Variants in CCDC85C observed in about 807,000 individuals in gnomAD.
CCDC85C encodes the protein coiled-coil domain containing 85C.
CCDC85C carries 18 observed loss-of-function variants against 38.3 expected under a neutral mutation model. That is an observed-to-expected ratio of 0.47 (90% CI 0.33 to 0.70). The LOEUF is 0.70. CCDC85C is among the 30% of genes least tolerant of loss of function. The pLI is 0.03. For missense variants in CCDC85C, 566 were observed against 621.2 expected (o/e 0.91, Z 0.94); for synonymous variants, 264 against 293.8 (o/e 0.90, Z 1.04).
chr14:99,546,639 A>G (rs929579773), intron 1 of CCDC85C, among the ~76,000 whole-genome samples: 8 of 152,290 alleles, frequency 5.3e-5, no homozygotes, highest in Non-Finnish European at 1.2e-4. Context: ...AGACAGCTCT[A>G]TGTGCACCAG....
In CCDC85C at chr14:99,576,361, G is replaced by C. The variant is rs1436335649; in HGVS notation, c.793+26806C>G. On this transcript the variant is annotated intron_variant, in intron 1 of 5. Transcript: ENST00000380243. This position sits in a 1 kb window ranked among gnomAD's most constrained non-coding sequence, Gnocchi z 4.8. Reference sequence around the variant, plus strand: ...CACACAGCTTAAGGCACCCCTTCCTGCTCTGACATGCAGGACCAAGCTGGC... The same window carrying C: ...CACACAGCTTAAGGCACCCCTTCCTCCTCTGACATGCAGGACCAAGCTGGC... 6.6e-6 allele frequency: 1 copy of C among 152,326 alleles called. No individual in the cohort carries two copies. The highest frequency in any genetic ancestry group is 1.5e-5 in the Non-Finnish European group (1 of 68,136). The allele number at this position is 152,326 out of a possible 1,614,324, so 9.4% of individuals were successfully genotyped here. A position where few individuals can be genotyped will look rare whatever the true frequency, so the allele number is the denominator to read the frequency against.
At position 99,520,647 on chromosome 14, in the gene CCDC85C, C is replaced by T. The variant is rs568806223; in HGVS notation, c.975+1486G>A. ...TCATGGCCCCTGAACCTCAGTTTAT[C>T]ACCCGGCCTCCTGGCCTCATGGAGG... On this transcript the variant is annotated intron_variant, in intron 3 of 5. Coordinates refer to ENST00000380243, the MANE Select transcript of CCDC85C (RefSeq NM_001144995.2). The surrounding 1 kb of genome is among the most constrained non-coding windows in gnomAD (Gnocchi z 4.1). Among the ~76,000 whole-genome samples the T allele has an allele frequency of 6.0e-4, 91 of 152,252 alleles. No individual in the cohort carries two copies. Among genetic ancestry groups the T allele is most frequent in the African/African-American group, 2.0e-3 (85 of 41,538 alleles).
chr14:99,531,713 A>G (rs1046839797), intron 2 of CCDC85C, among the ~76,000 whole-genome samples: 1 of 151,370 alleles, frequency 6.6e-6, no homozygotes. Context: ...TTTCACCAAC[A>G]GGAAGAGTCC....
At position 99,588,106 on chromosome 14, in the gene CCDC85C, C is replaced by G. The variant is rs754860541; in HGVS notation, c.793+15061G>C. Among the ~76,000 whole-genome samples, 1 of 152,162 alleles carries G rather than the reference C, an allele frequency of 6.6e-6. No individual in the cohort carries two copies. The highest frequency in any genetic ancestry group is 1.5e-5 in the Non-Finnish European group (1 of 68,036). ...GGGCCGGATTCCCCACTGGGTCTGT[C>G]GTCCCCAGTTCCTCCAGCTGCCAAT... On this transcript the variant is annotated intron_variant, in intron 1 of 5. Coordinates refer to ENST00000380243, the MANE Select transcript of CCDC85C (RefSeq NM_001144995.2). This position sits in a 1 kb window ranked among gnomAD's most constrained non-coding sequence, Gnocchi z 5.0.
chr14:99,585,936 C>T (rs1392341612), intron 1 of CCDC85C, among the ~76,000 whole-genome samples: 1 of 152,240 alleles, frequency 6.6e-6, no homozygotes, highest in Non-Finnish European at 1.5e-5. Flanking sequence ...CCCTGCTCTG[C>T]TGTCCCTTTC....
chr14:99,556,158 C>T (rs1025383302), intron 1 of CCDC85C, among the ~76,000 whole-genome samples: 5 of 152,256 alleles, frequency 3.3e-5, no homozygotes, highest in Admixed American at 6.5e-5. Context: ...GTGGCTCACG[C>T]CTGTAATACC....
rs895844001 is a variant in CCDC85C, at chr14:99,551,843, G to A, written c.794-15755C>T. ...CACTCCCCAGCAAGCCCCCTCCCTA[G>A]GTCAGAGCCTCTAGGGAAAAGGGCT... On this transcript the variant is annotated intron_variant, in intron 1 of 5. Transcript: ENST00000380243. Among the ~76,000 whole-genome samples, 3 of 152,160 alleles carry A rather than the reference G, an allele frequency of 2.0e-5. No homozygotes were observed. The East Asian group carries it at 5.8e-4, about 29-fold the overall frequency.
intron 5 of CCDC85C, 80 bp from the exon 6 acceptor site, chr14:99,515,415 G>C: frequency 9.5e-7 from 1 of 1,049,864 alleles, no homozygotes; most frequent in Non-Finnish European, 1.4e-6. Flanking sequence ...GCCTCATCAC[G>C]GCAGAATCAC....
At chr14:99,598,804 G>T (rs1248699032) in intron 1 of CCDC85C, among the ~76,000 whole-genome samples, 1 of 152,194 alleles carries the variant, frequency 6.6e-6, no homozygotes, top group African/African-American at 2.4e-5. Context: ...AGATGCTAAG[G>T]TCTCCCTCCT....
intron 1 of CCDC85C, among the ~76,000 whole-genome samples, chr14:99,601,268 G>C (rs757337212): frequency 6.6e-6 from 1 of 152,194 alleles, no homozygotes; most frequent in Non-Finnish European, 1.5e-5. Context: ...GTGCTAAGTG[G>C]GCTTGGGGGA....
At chr14:99,543,964 C>T (rs1463062381) in intron 1 of CCDC85C, among the ~76,000 whole-genome samples, 4 of 152,210 alleles carry the variant, frequency 2.6e-5, no homozygotes, top group Non-Finnish European at 5.9e-5. Flanking sequence ...GCAAGCTCAG[C>T]GATGCCTTCC....
Position 99,507,440 on chromosome 14 carries a change from C to A in CCDC85C, c.*7806G>T. ...ATTAGCCAGGTGTGGTAGCACACAC[C>A]TGTAGTCCCAACTACTTAGGAGTCT... On this transcript the variant is annotated 3_prime_UTR_variant, in exon 6 of 6. Coordinates refer to ENST00000380243, the MANE Select transcript of CCDC85C (RefSeq NM_001144995.2). 1 of 394,692 alleles carries A rather than the reference C, an allele frequency of 2.5e-6. No individual in the cohort carries two copies. Among genetic ancestry groups the A allele is most frequent in the South Asian group, 2.4e-5 (1 of 41,060 alleles). The allele number at this position is 394,692 out of a possible 1,614,324, so 24.4% of individuals were successfully genotyped here. A position where few individuals can be genotyped will look rare whatever the true frequency, so the allele number is the denominator to read the frequency against.
In CCDC85C at chr14:99,516,954, G is replaced by A; in HGVS notation, c.1071+134C>T. On this transcript the variant is annotated intron_variant, in intron 4 of 5. Transcript: ENST00000380243. The surrounding 1 kb of genome is among the most constrained non-coding windows in gnomAD (Gnocchi z 5.5). ...ACCTCACAGTGCTCCAGGCAGCCAT[G>A]GTCACCCAGCCACCCACACACAGAT... 1 of 811,450 alleles carries A rather than the reference G, an allele frequency of 1.2e-6. No homozygotes were observed. The highest frequency in any genetic ancestry group is 2.1e-6 in the Non-Finnish European group (1 of 480,286). 50.3% of individuals were successfully genotyped at this position (811,450 alleles called of 1,614,324 possible). A position where few individuals can be genotyped will look rare whatever the true frequency, so the allele number is the denominator to read the frequency against.
At chr14:99,550,920 C>G (rs968878893) in intron 1 of CCDC85C, among the ~76,000 whole-genome samples, 2 of 152,196 alleles carry the variant, frequency 1.3e-5, no homozygotes, top group Non-Finnish European at 2.9e-5. Flanking sequence ...CCAGCTCGAC[C>G]AAGCTGCTGG....
rs944368214 is a variant in CCDC85C, at chr14:99,558,056, C to T, written c.794-21968G>A. On this transcript the variant is annotated intron_variant, in intron 1 of 5. Coordinates refer to ENST00000380243, the MANE Select transcript of CCDC85C (RefSeq NM_001144995.2). The surrounding 1 kb of genome is among the most constrained non-coding windows in gnomAD (Gnocchi z 4.2). ...AATCTTAGGGGAAAAAAATATCAAC[C>T]AGGTCTACTTCAGTGGTCTATTTAA... 6.6e-6 allele frequency among the ~76,000 whole-genome samples: 1 copy of T among 152,250 alleles called. No homozygotes were observed. Among genetic ancestry groups the T allele is most frequent in the African/African-American group, 2.4e-5 (1 of 41,540 alleles).
At chr14:99,583,642 T>TA (rs2054997760) in intron 1 of CCDC85C, among the ~76,000 whole-genome samples, 2 of 150,780 alleles carry the variant, frequency 1.3e-5, no homozygotes, top group East Asian at 2.0e-4. Flanking sequence ...ACGTCTCTAC[T>TA]AAAAAAATAC....
Position 99,576,085 on chromosome 14 carries a change from G to A in CCDC85C, c.793+27082C>T, listed in dbSNP as rs979608494. On this transcript the variant is annotated intron_variant, in intron 1 of 5. Coordinates refer to ENST00000380243, the MANE Select transcript of CCDC85C (RefSeq NM_001144995.2). This position sits in a 1 kb window ranked among gnomAD's most constrained non-coding sequence, Gnocchi z 4.8. ...GATCTGTGCCCGTCTAATGAGGGTG[G>A]CTCACACTAATGGCCACATCTTCCT... 2.0e-5 allele frequency among the ~76,000 whole-genome samples: 3 copies of A among 152,192 alleles called. No homozygotes were observed. Among genetic ancestry groups the A allele is most frequent in the African/African-American group, 7.2e-5 (3 of 41,452 alleles).
At chr14:99,527,676 G>C (rs1232973905) in intron 2 of CCDC85C, among the ~76,000 whole-genome samples, 1 of 152,200 alleles carries the variant, frequency 6.6e-6, no homozygotes, top group Non-Finnish European at 1.5e-5. Flanking sequence ...AACCCACGCA[G>C]AACCCTCAGC....
At chr14:99,581,550 G>T (rs1007582242) in intron 1 of CCDC85C, among the ~76,000 whole-genome samples, 1 of 152,220 alleles carries the variant, frequency 6.6e-6, no homozygotes, top group African/African-American at 2.4e-5. Flanking sequence ...CTGGCCTGGG[G>T]CGTCCATGAC....
Sources: allele counts gnomAD v4.1 joint callset (sites outside exome capture counted in the v4.1 genomes callset), GRCh38; gene constraint gnomAD v4.1.1; non-coding constraint Gnocchi (gnomAD v3.1); transcripts MANE v1.5; gene names NCBI Gene and HGNC (gene_info 2026-07-23, HGNC 2026-07-21).